PRH2: variants seen among roughly 807,000 people sequenced by gnomAD.
The protein encoded by PRH2 is proline rich protein HaeIII subfamily 2.
Under a neutral mutation model 22.6 loss-of-function variants are expected in PRH2, and 19 were observed. That is an observed-to-expected ratio of 0.84 (90% CI 0.59 to 1.23). PRH2 has a LOEUF of 1.23. Among genes scored for constraint, PRH2 ranks in the 50% most tolerant of loss-of-function variants. The probability of loss-of-function intolerance (pLI) is 0.00; values close to 1 mark genes in which losing one functional copy is unlikely to be tolerated. For synonymous variants in PRH2, 45 were observed against 72.0 expected, an observed-to-expected ratio of 0.63 and a Z score of 1.90; for missense variants, 109 against 203.0, an observed-to-expected ratio of 0.54 and a Z score of 2.81.
In PRH2 at chr12:10,932,371, A is replaced by T; in HGVS notation, c.*164A>T. On this transcript the variant is annotated 3_prime_UTR_variant, in exon 4 of 4. Transcript: ENST00000396400. ...AGTGTTTGGGACTCTGGAATCTGAG[A>T]CCCATGTTCACATTGTAAGAACATC... 3.9e-6 allele frequency: 1 copy of T among 257,950 alleles called. No individual in the cohort carries two copies. The highest frequency in any genetic ancestry group is 8.7e-6 in the Non-Finnish European group (1 of 114,382). 16.0% of individuals were successfully genotyped at this position (257,950 alleles called of 1,614,324 possible). A position where few individuals can be genotyped will look rare whatever the true frequency, so the allele number is the denominator to read the frequency against.
At position 10,934,394 on chromosome 12, in the gene PRH2, C is replaced by T. The variant is rs1950257305; in HGVS notation, c.*2187C>T. Among the ~76,000 whole-genome samples, 2 of 152,160 alleles carry T rather than the reference C, an allele frequency of 1.3e-5. No homozygotes were observed. The highest frequency in any genetic ancestry group is 2.9e-5 in the Non-Finnish European group (2 of 68,002). ...TGTGAGGATTCGAAGATCTCTTTCA[C>T]ATCTTGACCCAGTCAATTCCGTTCA... On this transcript the variant is annotated 3_prime_UTR_variant, in exon 4 of 4. Coordinates refer to ENST00000396400, the MANE Select transcript of PRH2 (RefSeq NM_001110213.1).
chr12:10,929,463 A>G (rs1205891018), intron 1 of PRH2, 126 bp downstream of exon 1: 2 of 1,136,568 alleles, frequency 1.8e-6, no homozygotes, highest in African/African-American at 3.1e-5. Flanking sequence ...TTCTCATGCC[A>G]AGGATCAGAA....
intron 1 of PRH2, among the ~76,000 whole-genome samples, chr12:10,929,777 C>G (rs1272519946): frequency 1.3e-5 from 2 of 152,120 alleles, no homozygotes; most frequent in African/African-American, 4.8e-5. Flanking sequence ...AAACACTTGC[C>G]TCTGTCTACA....
At chr12:10,931,280 G>C (rs1950209140) in intron 3 of PRH2, 200 bp downstream of exon 3, 1 of 1,140,448 alleles carries the variant, frequency 8.8e-7, no homozygotes, top group Non-Finnish European at 1.2e-6. Context: ...CCAATTTTGA[G>C]AATCACTATC....
rs1158666182 is a variant in PRH2 at position 10,934,175 on chromosome 12, A to T, written c.*1968A>T. Among the ~76,000 whole-genome samples the T allele has an allele frequency of 2.0e-5, 3 of 152,158 alleles. No homozygotes were observed. Among genetic ancestry groups the T allele is most frequent in the Non-Finnish European group, 4.4e-5 (3 of 67,992 alleles). On this transcript the variant is annotated 3_prime_UTR_variant, in exon 4 of 4. Coordinates refer to ENST00000396400, the MANE Select transcript of PRH2 (RefSeq NM_001110213.1). The stretch of plus-strand genomic sequence containing the variant: ...GCAAGCATCTGATTATTTTACTCTA[A>T]GTTATTTCCACTTCTGATTTTAAGA...
rs748457693 is a variant in PRH2, at chr12:10,930,779, C to A, written c.218C>A (p.Pro73Gln). ...GNQNDGPQQG[P>Q]PQQGGQQQQG... ...CAGAATGATGGCCCTCAGCAGGGAC[C>A]ACCCCAACAAGGAGGCCAGCAGCAA... Residue 73 changes from proline (P) to glutamine (Q), a missense_variant, in exon 3 of 4, where the codon CCA becomes CAA. Physicochemically the swap from Pro to Gln is moderately conservative, Grantham distance 76. This residue lies in a region of PRH2 where 14 missense variants were observed against 31.0 expected (regional missense o/e 0.45). Coordinates refer to ENST00000396400, the MANE Select transcript of PRH2 (RefSeq NM_001110213.1). 3 of 1,609,238 alleles carry A rather than the reference C, an allele frequency of 1.9e-6. 1 individual carries two copies. The highest frequency in any genetic ancestry group is 2.6e-6 in the Non-Finnish European group (3 of 1,176,424).
intron 1 of PRH2, among the ~76,000 whole-genome samples, chr12:10,929,553 C>G (rs961206474): frequency 1.3e-5 from 2 of 151,860 alleles, no homozygotes; most frequent in African/African-American, 4.8e-5. Flanking sequence ...GAATTTGTAC[C>G]GGGGGAGTGA....
rs1462641463 is a variant in PRH2, at chr12:10,933,634, G to A, written c.*1427G>A. On this transcript the variant is annotated 3_prime_UTR_variant, in exon 4 of 4. Coordinates refer to ENST00000396400, the MANE Select transcript of PRH2 (RefSeq NM_001110213.1). The stretch of plus-strand genomic sequence containing the variant: ...TATGACCATCTCAAAAGATGCCAAC[G>A]TTGTCTTTGATAATATTTAATATAT... Among the ~76,000 whole-genome samples, 2 of 151,908 alleles carry A rather than the reference G, an allele frequency of 1.3e-5. No homozygotes were observed. The highest frequency in any genetic ancestry group is 2.1e-4 in the South Asian group (1 of 4,818).
Position 10,930,850 on chromosome 12 carries a change from C to T in PRH2, c.289C>T (p.Gln97Ter). Reference sequence around the variant, plus strand: ...GGGAAAGCCACAAGGACCACCCCAACAGGGAGGCCATCCCCCTCCTCCTCA... The same window carrying T: ...GGGAAAGCCACAAGGACCACCCCAATAGGGAGGCCATCCCCCTCCTCCTCA... ...PQGKPQGPPQ[Q>*]GGHPPPPQGR... Residue 97 changes from glutamine to a stop codon, truncating the protein, a stop_gained, in exon 3 of 4, where the codon CAG (glutamine) becomes TAG (stop). Coordinates refer to ENST00000396400, the MANE Select transcript of PRH2 (RefSeq NM_001110213.1). LOFTEE classifies it high-confidence loss of function. The T allele has an allele frequency of 6.2e-7, 1 of 1,613,608 alleles. No individual in the cohort carries two copies. Among genetic ancestry groups the T allele is most frequent in the Non-Finnish European group, 8.5e-7 (1 of 1,179,670 alleles).
rs1264657485 is a variant in PRH2, at chr12:10,932,498, G to C, written c.*291G>C. On this transcript the variant is annotated 3_prime_UTR_variant, in exon 4 of 4. Coordinates refer to ENST00000396400, the MANE Select transcript of PRH2 (RefSeq NM_001110213.1). ...AGTTCCACTGTTTCTTTCCTTCTCT[G>C]TCTTCTTAGCTCGAATTTAAATTGC... Among the ~76,000 whole-genome samples the C allele has an allele frequency of 1.3e-5, 2 of 151,916 alleles. No individual in the cohort carries two copies. Among genetic ancestry groups the C allele is most frequent in the Non-Finnish European group, 2.9e-5 (2 of 67,992 alleles).
chr12:10,929,551 AC>A (rs1263540911), intron 1 of PRH2, among the ~76,000 whole-genome samples: 2 of 152,168 alleles, frequency 1.3e-5, no homozygotes, highest in African/African-American at 4.8e-5. Context: ...AAGAATTTGT[AC>A]CGGGGGAGTG....
In PRH2 at chr12:10,934,184, C is replaced by T. The variant is rs911574017; in HGVS notation, c.*1977C>T. Among the ~76,000 whole-genome samples the T allele has an allele frequency of 2.0e-5, 3 of 151,996 alleles. No homozygotes were observed. Among genetic ancestry groups the T allele is most frequent in the African/African-American group, 7.2e-5 (3 of 41,406 alleles). The stretch of plus-strand genomic sequence containing the variant: ...TGATTATTTTACTCTAAGTTATTTC[C>T]ACTTCTGATTTTAAGAACAGCTTCT... On this transcript the variant is annotated 3_prime_UTR_variant, in exon 4 of 4. Coordinates refer to ENST00000396400, the MANE Select transcript of PRH2 (RefSeq NM_001110213.1).
rs2135876782 is a variant in PRH2 at position 10,934,725 on chromosome 12, TA to T, written c.*2519del. 6.6e-6 allele frequency among the ~76,000 whole-genome samples: 1 copy of T among 152,290 alleles called. No individual in the cohort carries two copies. The highest frequency in any genetic ancestry group is 2.4e-5 in the African/African-American group (1 of 41,586). Reference sequence around the variant, plus strand: ...AAAAGATTATTTTGCCCCAGACAGCTATCTGCATTCTGATCCAGATACTGTA... The same window carrying T: ...AAAAGATTATTTTGCCCCAGACAGCTTCTGCATTCTGATCCAGATACTGTA... On this transcript the variant is annotated 3_prime_UTR_variant, in exon 4 of 4. Coordinates refer to ENST00000396400, the MANE Select transcript of PRH2 (RefSeq NM_001110213.1).
At position 10,930,266 on chromosome 12, in the gene PRH2, T is replaced by C. The variant is rs1950184759; in HGVS notation, c.65-3T>C. Reference sequence around the variant, plus strand: ...TTCCCATCATCCTGTACTTCTTTTCTAGATGTCAGCCAAGAAGACGTTCCC... The same window carrying C: ...TTCCCATCATCCTGTACTTCTTTTCCAGATGTCAGCCAAGAAGACGTTCCC... On this transcript the variant is annotated splice_polypyrimidine_tract_variant and splice_region_variant and intron_variant, in intron 1 of 3. Coordinates refer to ENST00000396400, the MANE Select transcript of PRH2 (RefSeq NM_001110213.1). The C allele has an allele frequency of 1.2e-6, 2 of 1,613,082 alleles. No homozygotes were observed. Among genetic ancestry groups the C allele is most frequent in the Non-Finnish European group, 1.7e-6 (2 of 1,178,984 alleles).
At chr12:10,931,229 G>A in intron 3 of PRH2, 149 bp downstream of exon 3, 2 of 1,475,480 alleles carry the variant, frequency 1.4e-6, no homozygotes, top group Non-Finnish European at 1.8e-6. Flanking sequence ...CTGGGATAAG[G>A]TAGCAAGATC....
At position 10,933,565 on chromosome 12, in the gene PRH2, T is replaced by C. The variant is rs10492101; in HGVS notation, c.*1358T>C. Among the ~76,000 whole-genome samples the C allele has an allele frequency of 0.24, 36,473 of 152,060 alleles. 4,445 individuals are homozygous for C. Among genetic ancestry groups the C allele is most frequent in the Non-Finnish European group, 0.26 (17,473 of 67,896 alleles). ...TGATTCCAGGAATGTTAAGGAATGT[T>C]CATTATTTGTTTTGGATAATGAAGT... On this transcript the variant is annotated 3_prime_UTR_variant, in exon 4 of 4. Transcript: ENST00000396400.
chr12:10,931,261 A>C (rs1437742797), intron 3 of PRH2, 181 bp downstream of exon 3: 1 of 1,308,366 alleles, frequency 7.6e-7, no homozygotes, highest in Non-Finnish European at 1.0e-6. Context: ...CAATCTCTTG[A>C]AGGCAATTCC....
At chr12:10,929,392 G>A (rs1392526115) in intron 1 of PRH2, 55 bp downstream of exon 1, 3 of 1,604,712 alleles carry the variant, frequency 1.9e-6, no homozygotes, top group Non-Finnish European at 2.6e-6. Flanking sequence ...ACGGGCGAAT[G>A]CTATAGAGGG....
intron 3 of PRH2, 162 bp downstream of exon 3, chr12:10,931,242 GT>G: frequency 7.0e-7 from 1 of 1,434,800 alleles, no homozygotes; most frequent in Non-Finnish European, 9.3e-7. Context: ...GCAAGATCTT[GT>G]TTTTAAACAA....
Sources: allele counts gnomAD v4.1 joint callset (sites outside exome capture counted in the v4.1 genomes callset), GRCh38; gene constraint gnomAD v4.1.1; regional missense constraint gnomAD v4.1.1; transcripts MANE v1.5; gene names NCBI Gene and HGNC (gene_info 2026-07-23, HGNC 2026-07-21).